Variants in CCDC88C observed in about 807,000 individuals in gnomAD.
CCDC88C encodes the protein coiled-coil and HOOK domain protein 88C, also known as protein Daple.
CCDC88C carries 131 observed loss-of-function variants against 198.8 expected under a neutral mutation model. The ratio of observed to expected loss-of-function variants is 0.66; its 90% CI spans 0.57 to 0.76. The LOEUF (loss-of-function observed/expected upper bound fraction) is 0.76, where lower values mean the gene tolerates loss of function less well. CCDC88C is among the 30% of genes least tolerant of loss of function. The pLI is 0.00. For missense variants in CCDC88C, 2,553 were observed against 2,631.6 expected (o/e 0.97, Z 0.65); for synonymous variants, 1,166 against 1,114.7 (o/e 1.05, Z -0.92).
intron 12 of CCDC88C, among the ~76,000 whole-genome samples, chr14:91,322,252 C>A (rs1252926472): frequency 3.3e-5 from 5 of 152,152 alleles, no homozygotes; most frequent in African/African-American, 1.2e-4. Flanking sequence ...GCTTTCACAG[C>A]AAACACATAA....
intron 6 of CCDC88C, among the ~76,000 whole-genome samples, chr14:91,340,832 T>A (rs897120379): frequency 3.3e-5 from 5 of 152,088 alleles, no homozygotes; most frequent in African/African-American, 1.2e-4. Context: ...TAAGACCCCA[T>A]CTCTACAAAA....
intron 22 of CCDC88C, among the ~76,000 whole-genome samples, chr14:91,295,120 G>A (rs369859330): frequency 1.7e-3 from 258 of 152,330 alleles, no homozygotes; most frequent in Middle Eastern, 3.4e-3. Context: ...CTGGTACACC[G>A]GAGGTGGGAA....
At chr14:91,363,363 G>C (rs984094797) in intron 3 of CCDC88C, among the ~76,000 whole-genome samples, 3 of 150,790 alleles carry the variant, frequency 2.0e-5, no homozygotes, top group Non-Finnish European at 4.4e-5. Context: ...CCCCCACCTC[G>C]GCCTTCCAAA....
chr14:91,367,790 T>C (rs1158394847), intron 3 of CCDC88C, among the ~76,000 whole-genome samples: 2 of 152,282 alleles, frequency 1.3e-5, no homozygotes, highest in East Asian at 3.9e-4. Flanking sequence ...TCGGTTACCC[T>C]GAGCATCAAA....
intron 1 of CCDC88C, chr14:91,417,073 C>G (rs772589711): frequency 1.4e-6 from 1 of 702,552 alleles, no homozygotes; most frequent in Non-Finnish European, 2.6e-6. Context: ...ACTTTTCTCC[C>G]GCGTTCCAGA....
chr14:91,348,298 GC>G (rs763456188), intron 4 of CCDC88C, among the ~76,000 whole-genome samples: 2 of 140,090 alleles, frequency 1.4e-5, no homozygotes, highest in Non-Finnish European at 3.0e-5. Context: ...GAGCCACTGC[GC>G]CCAGCCAAGA....
intron 6 of CCDC88C, chr14:91,342,025 T>G: frequency 4.9e-6 from 1 of 203,258 alleles, no homozygotes. Flanking sequence ...AGGGTGACAT[T>G]TGCCAGAATA....
In CCDC88C at chr14:91,381,128, C is replaced by T. The variant is rs1012612922; in HGVS notation, c.271-21417G>A. ...CTGGTCCCATTACAGGAAAGGTTACCTCCATCACTCAGGGGCTCCCAGAGA... is the reference window on the plus strand; with the variant it reads ...CTGGTCCCATTACAGGAAAGGTTACTTCCATCACTCAGGGGCTCCCAGAGA... On this transcript the variant is annotated intron_variant, in intron 3 of 29. Coordinates refer to ENST00000389857, the MANE Select transcript of CCDC88C (RefSeq NM_001080414.4). The surrounding 1 kb of genome is among the most constrained non-coding windows in gnomAD (Gnocchi z 4.2). 7.9e-5 allele frequency among the ~76,000 whole-genome samples: 12 copies of T among 152,170 alleles called. No individual in the cohort carries two copies. Among genetic ancestry groups the T allele is most frequent in the African/African-American group, 2.9e-4 (12 of 41,436 alleles).
chr14:91,339,862 G>A lies in CCDC88C; in HGVS notation c.624+22C>T, dbSNP rs756003384. On this transcript the variant is annotated intron_variant, in intron 7 of 29. Transcript: ENST00000389857. This position sits in a 1 kb window ranked among gnomAD's most constrained non-coding sequence, Gnocchi z 5.8. Reference sequence around the variant, plus strand: ...CCTAAGCCCCTTCCCAGGCTGACCGGGCCACCGACCCGCGGACGCACCTCG... The same window carrying A: ...CCTAAGCCCCTTCCCAGGCTGACCGAGCCACCGACCCGCGGACGCACCTCG... 6.4e-7 allele frequency: 1 copy of A among 1,566,952 alleles called. No homozygotes were observed. Among genetic ancestry groups the A allele is most frequent in the Admixed American group, 1.8e-5 (1 of 55,236 alleles).
intron 3 of CCDC88C, chr14:91,379,710 G>A: frequency 1.6e-6 from 1 of 634,150 alleles, no homozygotes; most frequent in South Asian, 1.8e-5. Context: ...ACTCCCAGAA[G>A]AGCCCACAGT....
intron 2 of CCDC88C, among the ~76,000 whole-genome samples, chr14:91,413,571 T>A (rs1001500163): frequency 6.6e-6 from 1 of 152,228 alleles, no homozygotes; most frequent in Admixed American, 6.5e-5. Context: ...GAGGGGCTAT[T>A]GAGCAGGCAT....
Position 91,409,367 on chromosome 14 carries a change from A to T in CCDC88C, c.162-600T>A, listed in dbSNP as rs150959703. Among the ~76,000 whole-genome samples, 713 of 151,768 alleles carry T rather than the reference A, an allele frequency of 4.7e-3. 6 individuals are homozygous for T. Among genetic ancestry groups the T allele is most frequent in the African/African-American group, 0.016 (655 of 41,364 alleles). On this transcript the variant is annotated intron_variant, in intron 2 of 29. Coordinates refer to ENST00000389857, the MANE Select transcript of CCDC88C (RefSeq NM_001080414.4). ...TTTTTTTTTAATTTTTTTTATAGAG[A>T]CAGGGTCTCACTATGTTGCCCAGGC...
In CCDC88C at chr14:91,313,705, G is replaced by C; in HGVS notation, c.2111C>G (p.Ala704Gly). 1 of 1,610,888 alleles carries C rather than the reference G, an allele frequency of 6.2e-7. No individual in the cohort carries two copies. Among genetic ancestry groups the C allele is most frequent in the Non-Finnish European group, 8.5e-7 (1 of 1,179,846 alleles). The change falls in exon 15 of 30, where the codon GCA becomes GGA. Residue 704 changes from alanine (A) to glycine (G), a missense_variant. Transcript: ENST00000389857. The surrounding 1 kb of genome is among the most constrained non-coding windows in gnomAD (Gnocchi z 5.2). ...GLERDNKQLD[A>G]ENLELRRLVE... The stretch of plus-strand genomic sequence containing the variant: ...CAGCCTGCGCAGCTCCAGGTTCTCT[G>C]CGTCCAGCTGCTTGTTGTCACGCTC...
chr14:91,294,677 G>A (rs960986425), intron 22 of CCDC88C, among the ~76,000 whole-genome samples: 18 of 152,222 alleles, frequency 1.2e-4, no homozygotes, highest in African/African-American at 4.1e-4. Flanking sequence ...GTTTTGAGAT[G>A]GAGTTTTGCT....
In CCDC88C at chr14:91,325,006, C is replaced by T. The variant is rs1293362659; in HGVS notation, c.1198-83G>A. 1.3e-5 allele frequency: 20 copies of T among 1,538,206 alleles called. No individual in the cohort carries two copies. Among genetic ancestry groups the T allele is most frequent in the Admixed American group, 1.0e-4 (6 of 58,350 alleles). The stretch of plus-strand genomic sequence containing the variant: ...CAAGCCTCAGCCCCTGTATAGCTAC[C>T]GTCATGTGCTGTGGATGAAGATGTA... On this transcript the variant is annotated intron_variant, in intron 11 of 29. Coordinates refer to ENST00000389857, the MANE Select transcript of CCDC88C (RefSeq NM_001080414.4). This position sits in a 1 kb window ranked among gnomAD's most constrained non-coding sequence, Gnocchi z 4.1.
chr14:91,370,283 G>A (rs573848098), intron 3 of CCDC88C, among the ~76,000 whole-genome samples: 1 of 152,342 alleles, frequency 6.6e-6, no homozygotes, highest in African/African-American at 2.4e-5. Flanking sequence ...TGGAAAAAGA[G>A]ACGCTGCTGG....
chr14:91,286,430 G>T (rs1480659287), intron 25 of CCDC88C, among the ~76,000 whole-genome samples: 4 of 152,004 alleles, frequency 2.6e-5, no homozygotes, highest in Non-Finnish European at 5.9e-5. Context: ...TCAACACCAA[G>T]AATCATGATT....
At chr14:91,294,140 G>A in intron 23 of CCDC88C, 33 bp downstream of exon 23, 1 of 1,611,602 alleles carries the variant, frequency 6.2e-7, no homozygotes, top group South Asian at 1.1e-5. Flanking sequence ...TGTGGTGAGG[G>A]TGCGGAGAGG....
intron 22 of CCDC88C, among the ~76,000 whole-genome samples, chr14:91,296,622 T>A (rs1190864024): frequency 6.6e-6 from 1 of 152,222 alleles, no homozygotes; most frequent in Non-Finnish European, 1.5e-5. Context: ...ACCCTGCGCC[T>A]CGGTTTCCTC....
Sources: gnomAD v4.1 joint callset for allele counts (sites outside exome capture counted in the v4.1 genomes callset) on GRCh38, gnomAD v4.1.1 for gene constraint, Gnocchi (gnomAD v3.1) non-coding constraint, MANE v1.5 for transcripts, NCBI Gene and HGNC (gene_info 2026-07-23, HGNC 2026-07-21) for gene names.